Variants in DIPK1A observed in about 807,000 individuals in gnomAD.
DIPK1A encodes divergent protein kinase domain 1A, also known as family with sequence similarity 69 member A.
DIPK1A carries 27 observed loss-of-function variants against 40.8 expected under a neutral mutation model. The ratio of observed to expected loss-of-function variants is 0.66; its 90% confidence interval spans 0.49 to 0.91. The LOEUF is 0.91. Ranked by LOEUF, DIPK1A falls within the 40% of genes least tolerant of loss-of-function variation. The pLI is 0.00. For missense variants in DIPK1A, 412 were observed against 505.7 expected (o/e 0.81, Z 1.78); for synonymous variants, 166 against 171.3 (o/e 0.97, Z 0.24).
intron 2 of DIPK1A, among the ~76,000 whole-genome samples, chr1:92,860,765 C>T (rs1647227995): frequency 6.7e-6 from 1 of 150,146 alleles, no homozygotes; most frequent in Admixed American, 6.7e-5. Flanking sequence ...GCGTGGGCGA[C>T]AGAGCAAGAC....
rs1406530831 is a variant in DIPK1A, at chr1:92,961,403, G to C, written c.27C>G (p.Ala9=). The C allele has an allele frequency of 6.5e-7, 1 of 1,532,656 alleles. No individual in the cohort carries two copies. Among genetic ancestry groups the C allele is most frequent in the Admixed American group, 1.9e-5 (1 of 53,564 alleles). The allele number at this position is 1,532,656 out of a possible 1,614,324, so 94.9% of individuals were successfully genotyped here. The stretch of plus-strand genomic sequence containing the variant: ...GGAGGTAATAGGGTTTCCTTAGCCA[G>C]GCCCCCGGACAGAGACTCCTCGCCA... MARSLCPG[A]WLRKPYYLQA... is the part of the protein sequence containing the mutation. Residue 9 remains alanine (A), a synonymous_variant, in exon 1 of 5, where the codon GCC becomes GCG. Transcript: ENST00000370310.
At chr1:92,861,878 C>T (rs1296961153) in intron 2 of DIPK1A, among the ~76,000 whole-genome samples, 1 of 152,012 alleles carries the variant, frequency 6.6e-6, no homozygotes, top group Non-Finnish European at 1.5e-5. Flanking sequence ...TCCCTGGGCT[C>T]GGGTGATCCT....
At chr1:92,897,453 C>G (rs192404208) in intron 1 of DIPK1A, among the ~76,000 whole-genome samples, 1 of 150,754 alleles carries the variant, frequency 6.6e-6, no homozygotes, top group Admixed American at 6.6e-5. Flanking sequence ...GGGAATTGAA[C>G]AATGAGAACA....
chr1:92,882,901 T>C (rs548728306), intron 1 of DIPK1A, among the ~76,000 whole-genome samples: 1 of 152,314 alleles, frequency 6.6e-6, no homozygotes, highest in South Asian at 2.1e-4. Context: ...TTTGGAAACA[T>C]ATAATTCAAC....
intron 4 of DIPK1A, chr1:92,836,206 G>A (rs962265696): frequency 6.2e-7 from 1 of 1,612,420 alleles, no homozygotes; most frequent in East Asian, 2.2e-5. Context: ...AATAGGTTTG[G>A]CATGGACAAG....
rs1032177577 is a variant in DIPK1A, at chr1:92,833,294, G to T, written c.475-260C>A. 6.9e-6 allele frequency: 7 copies of T among 1,012,890 alleles called. No homozygotes were observed. In the African/African-American group the frequency reaches 1.1e-4, roughly 16 times the overall value. 62.7% of individuals were successfully genotyped at this position (1,012,890 alleles called of 1,614,324 possible). On this transcript the variant is annotated intron_variant, in intron 4 of 4. Coordinates refer to the DIPK1A transcript ENST00000615519. The stretch of plus-strand genomic sequence containing the variant: ...AAGTGACAGTTGTCTGTTTACTCTT[G>T]AAGTTCAAGTGTTACTTTGTTACAT...
At chr1:92,943,213 G>C (rs1391177372) in intron 1 of DIPK1A, among the ~76,000 whole-genome samples, 1 of 152,202 alleles carries the variant, frequency 6.6e-6, no homozygotes, top group Non-Finnish European at 1.5e-5. Flanking sequence ...AAATTCACCA[G>C]CGGATAAAAG....
chr1:92,891,501 C>A (rs958852156), intron 1 of DIPK1A, among the ~76,000 whole-genome samples: 1 of 151,994 alleles, frequency 6.6e-6, no homozygotes, highest in Non-Finnish European at 1.5e-5. Context: ...ATTTTCATTT[C>A]TTTCAATAAA....
At chr1:92,846,833 A>G (rs28631555) in intron 4 of DIPK1A, among the ~76,000 whole-genome samples, 6 of 7,584 alleles carry the variant, frequency 7.9e-4, no homozygotes, top group African/African-American at 3.2e-3. Flanking sequence ...ATATATATAT[A>G]TATATATATG....
At chr1:92,955,397 A>G (rs969179499) in intron 1 of DIPK1A, among the ~76,000 whole-genome samples, 1 of 152,180 alleles carries the variant, frequency 6.6e-6, no homozygotes, top group African/African-American at 2.4e-5. Flanking sequence ...TATGTGGGGG[A>G]TGTTAAATAT....
intron 4 of DIPK1A, chr1:92,833,960 T>A: frequency 1.6e-5 from 6 of 371,810 alleles, no homozygotes; most frequent in South Asian, 1.4e-4. Flanking sequence ...GTAAGAAAAT[T>A]AGCTGGGCAT....
intron 1 of DIPK1A, among the ~76,000 whole-genome samples, chr1:92,955,697 C>CA (rs551282522): frequency 0.011 from 510 of 45,964 alleles, 1 homozygote; most frequent in African/African-American, 0.023. Flanking sequence ...GACTCTGTCT[C>CA]AAAAAAAAAA....
At chr1:92,891,870 T>TGGCTTGGAGGGTCCTACGCCC (rs1428462978) in intron 1 of DIPK1A, among the ~76,000 whole-genome samples, 2 of 152,202 alleles carry the variant, frequency 1.3e-5, no homozygotes, top group Non-Finnish European at 2.9e-5. Flanking sequence ...ATCCTACGCA[T>TGGCTTGGAGGGTCCTACGCCC]GGCTTGGAGG....
At chr1:92,941,061 G>A (rs983771950) in intron 1 of DIPK1A, among the ~76,000 whole-genome samples, 1 of 152,102 alleles carries the variant, frequency 6.6e-6, no homozygotes, top group Non-Finnish European at 1.5e-5. Flanking sequence ...CCAGTCTGTA[G>A]CTTGTCTTTT....
intron 4 of DIPK1A, among the ~76,000 whole-genome samples, chr1:92,844,521 C>T (rs774006313): frequency 6.6e-6 from 1 of 152,166 alleles, no homozygotes; most frequent in Non-Finnish European, 1.5e-5. Flanking sequence ...AAAAAACCAC[C>T]GCCTCATATG....
In DIPK1A at chr1:92,843,599, T is replaced by C; in HGVS notation, c.1071A>G (p.Glu357=). 6.4e-7 allele frequency: 1 copy of C among 1,551,968 alleles called. No homozygotes were observed. The highest frequency in any genetic ancestry group is 8.7e-7 in the Non-Finnish European group (1 of 1,147,040). ...CTTTTGCCAAGTTTGGTTGTATCAC[T>C]TCTGAAGTACACTTCATTGTACTCT... ...CDQSTMKCTS[E]VIQPNLAKAC... is the part of the protein sequence containing the mutation. The change falls in exon 5 of 5, where the codon GAA becomes GAG. Residue 357 remains glutamate, a synonymous_variant. Coordinates refer to ENST00000370310, the MANE Select transcript of DIPK1A (RefSeq NM_001006605.5).
downstream of DIPK1A, among the ~76,000 whole-genome samples, chr1:92,838,730 T>C (rs946993016): frequency 1.3e-5 from 2 of 152,214 alleles, no homozygotes; most frequent in African/African-American, 2.4e-5. Context: ...TGGAAGGAAC[T>C]GGGTTGCTTA....
intron 1 of DIPK1A, among the ~76,000 whole-genome samples, chr1:92,928,709 C>T (rs1275291041): frequency 6.6e-6 from 1 of 152,160 alleles, no homozygotes; most frequent in African/African-American, 2.4e-5. Context: ...TGCCTGTAAT[C>T]CCAGCACTTT....
intron 1 of DIPK1A, among the ~76,000 whole-genome samples, chr1:92,940,314 A>G (rs759333617): frequency 8.5e-5 from 13 of 152,202 alleles, no homozygotes; most frequent in Non-Finnish European, 1.9e-4. Flanking sequence ...GAACATGGCT[A>G]TTGAACACAT....
Sources: gnomAD v4.1 joint callset for allele counts (sites outside exome capture counted in the v4.1 genomes callset) on GRCh38, gnomAD v4.1.1 for gene constraint, MANE v1.5 for transcripts, NCBI Gene and HGNC (gene_info 2026-07-23, HGNC 2026-07-21) for gene names.